The following SBK1 variants were observed in gnomAD, a reference collection of about 807,000 sequenced individuals.
SBK1 encodes SH3 domain binding kinase 1.
In SBK1, 11 loss-of-function variants were observed where a neutral mutation model predicts 24.4. The observed-to-expected ratio is 0.45, with a 90% CI of 0.28 to 0.75. The LOEUF (loss-of-function observed/expected upper bound fraction) is 0.75. Among genes scored for constraint, SBK1 ranks in the 30% least tolerant of loss-of-function variants. The pLI, the probability that SBK1 is intolerant of heterozygous loss-of-function variation, is 0.12. For missense variants in SBK1, 467 were observed against 620.5 expected (o/e 0.75, Z 2.63); for synonymous variants, 308 against 284.4 (o/e 1.08, Z -0.83).
At chr16:28,308,948 A>G (rs1256379813) in intron 1 of SBK1, among the ~76,000 whole-genome samples, 1 of 152,056 alleles carries the variant, frequency 6.6e-6, no homozygotes, top group African/African-American at 2.4e-5. Context: ...ATGCAGCCCC[A>G]GATCTGAGCT....
At chr16:28,303,392 C>CT (rs1366180822) in intron 1 of SBK1, among the ~76,000 whole-genome samples, 1 of 151,658 alleles carries the variant, frequency 6.6e-6, no homozygotes, top group Non-Finnish European at 1.5e-5. Context: ...GCTGAGGTGG[C>CT]TAAGCACCTT....
intron 1 of SBK1, among the ~76,000 whole-genome samples, chr16:28,307,035 G>GCAGCCCCAGCCC (rs911430441): frequency 2.7e-4 from 41 of 152,200 alleles, no homozygotes; most frequent in Admixed American, 1.7e-3. Context: ...TCTCCCTCCA[G>GCAGCCCCAGCCC]CAGCCCCAGC....
At chr16:28,287,048 T>G (rs991027745) in intron 1 of SBK1, 4 of 151,630 alleles carry the variant, frequency 2.6e-5, no homozygotes, top group African/African-American at 9.7e-5. Context: ...TGAGCCGAGA[T>G]CGCATCATTG....
At chr16:28,273,449 C>G (rs1262095147) in intron 1 of SBK1, among the ~76,000 whole-genome samples, 2 of 152,156 alleles carry the variant, frequency 1.3e-5, no homozygotes, top group East Asian at 3.9e-4. Context: ...TCAACAAACT[C>G]TTGACCTCAG....
chr16:28,279,413 CAAAAAAAAAAAA>C (rs34582546), intron 1 of SBK1, among the ~76,000 whole-genome samples: 2 of 84,774 alleles, frequency 2.4e-5, no homozygotes, highest in African/African-American at 8.7e-5. Context: ...AAAACAAAAC[CAAAAAAAAAAAA>C]AAAAAAAAAC....
chr16:28,320,530 T>C lies in SBK1; in HGVS notation c.884T>C (p.Leu295Ser). The C allele has an allele frequency of 1.3e-6, 2 of 1,564,660 alleles. No homozygotes were observed. Among genetic ancestry groups the C allele is most frequent in the Non-Finnish European group, 1.7e-6 (2 of 1,162,062 alleles). Residue 295 changes from leucine (L) to serine (S), a missense_variant, in exon 4 of 4, where the codon TTA becomes TCA. Leu to Ser is a moderately radical substitution (Grantham distance 145, BLOSUM62 -2). Around this residue, in one of 4 missense-constraint regions of SBK1, gnomAD observed 86 missense variants for 121.7 expected, o/e 0.71. Coordinates refer to ENST00000341901, the MANE Select transcript of SBK1 (RefSeq NM_001024401.3). This position sits in a 1 kb window ranked among gnomAD's most constrained non-coding sequence, Gnocchi z 8.5. ...TEPALRMFQR[L>S]LALEPERRGP... ...CCCGCGCTGCGCATGTTCCAGCGCTTACTGGCCCTGGAGCCCGAGCGCCGC... is the reference window on the plus strand; with the variant it reads ...CCCGCGCTGCGCATGTTCCAGCGCTCACTGGCCCTGGAGCCCGAGCGCCGC...
At chr16:28,261,349 C>T (rs1018042693) in intron 1 of SBK1, among the ~76,000 whole-genome samples, 2 of 151,714 alleles carry the variant, frequency 1.3e-5, no homozygotes, top group South Asian at 2.1e-4. Context: ...AACCCCAGAC[C>T]TTTGGGAGGC....
chr16:28,302,961 T>TGG (rs57035524), intron 1 of SBK1, among the ~76,000 whole-genome samples: 24,318 of 144,050 alleles, frequency 0.17, 2,696 homozygotes, highest in Non-Finnish European at 0.27. Context: ...GAGCAGGGCA[T>TGG]GGGGGGGGGT....
intron 1 of SBK1, among the ~76,000 whole-genome samples, chr16:28,279,358 C>G (rs2044514620): frequency 6.8e-6 from 1 of 147,020 alleles, no homozygotes. Flanking sequence ...ATGATTGCAC[C>G]ACTGCACTCC....
Position 28,318,513 on chromosome 16 carries a change from C to T in SBK1, c.227-482C>T, listed in dbSNP as rs547648749. 1.1e-3 allele frequency among the ~76,000 whole-genome samples: 174 copies of T among 152,320 alleles called. 1 individual carries two copies. Among genetic ancestry groups the T allele is most frequent in the Non-Finnish European group, 1.9e-3 (129 of 68,032 alleles). Reference sequence around the variant, plus strand: ...TGTGCAGTGCTGAAGGCAGGGCCTGCGATGTGTAAATGCTCCGTGGACACA... The same window carrying T: ...TGTGCAGTGCTGAAGGCAGGGCCTGTGATGTGTAAATGCTCCGTGGACACA... On this transcript the variant is annotated intron_variant, in intron 2 of 3. Transcript: ENST00000341901.
At chr16:28,308,767 GTGTGTGTGTGTGTT>G (rs908970016) in intron 1 of SBK1, among the ~76,000 whole-genome samples, 5 of 149,748 alleles carry the variant, frequency 3.3e-5, no homozygotes, top group African/African-American at 1.0e-4. Context: ...GTGTGTGTGT[GTGTGTGTGTGTGTT>G]TGTTTTGTTT....
chr16:28,309,859 C>A (rs1435452951), intron 1 of SBK1, among the ~76,000 whole-genome samples: 1 of 152,106 alleles, frequency 6.6e-6, no homozygotes. Context: ...TGTGTGTGTG[C>A]GCATGTGTGC....
intron 1 of SBK1, among the ~76,000 whole-genome samples, chr16:28,300,982 G>T (rs938521878): frequency 1.3e-5 from 2 of 151,916 alleles, no homozygotes; most frequent in Admixed American, 6.5e-5. Context: ...GGATGCAGCT[G>T]GAGAAGGGCC....
intron 2 of SBK1, among the ~76,000 whole-genome samples, chr16:28,318,260 G>A (rs1391264411): frequency 6.6e-6 from 1 of 152,230 alleles, no homozygotes; most frequent in African/African-American, 2.4e-5. Context: ...GCCAGGGGCT[G>A]GGGCTGTGTG....
upstream of SBK1, chr16:28,292,376 C>T (rs1325709346): frequency 6.8e-6 from 1 of 146,118 alleles, no homozygotes; most frequent in Admixed American, 1.6e-4. Context: ...CGGCGCGCGG[C>T]GGGAGGGCGG....
chr16:28,266,970 G>A (rs976773851), intron 1 of SBK1, among the ~76,000 whole-genome samples: 2 of 151,710 alleles, frequency 1.3e-5, no homozygotes, highest in East Asian at 1.9e-4. Context: ...GCAGTGGTGC[G>A]ATCTCAGCAC....
Position 28,317,875 on chromosome 16 carries a change from G to T in SBK1, c.226+258G>T, listed in dbSNP as rs1221501024. ...ATGGGCTGCTGTGGGGCCATCTGGG[G>T]TGACTTTGAGACAGCCAAGGGGCTG... On this transcript the variant is annotated intron_variant, in intron 2 of 3. Transcript: ENST00000341901. The surrounding 1 kb of genome is among the most constrained non-coding windows in gnomAD (Gnocchi z 4.2). Among the ~76,000 whole-genome samples the T allele has an allele frequency of 1.3e-5, 2 of 152,056 alleles. No homozygotes were observed. The highest frequency in any genetic ancestry group is 6.6e-5 in the Admixed American group (1 of 15,256).
At chr16:28,271,933 C>T (rs2044467892) in intron 1 of SBK1, among the ~76,000 whole-genome samples, 1 of 152,158 alleles carries the variant, frequency 6.6e-6, no homozygotes, top group Non-Finnish European at 1.5e-5. Flanking sequence ...ATCAAGTGCT[C>T]CTTGGTATTT....
In SBK1 at chr16:28,320,895, G is replaced by C. The variant is rs746196783; in HGVS notation, c.1249G>C (p.Ala417Pro). 6.9e-5 allele frequency: 104 copies of C among 1,498,862 alleles called. No individual in the cohort carries two copies. Among genetic ancestry groups the C allele is most frequent in the Non-Finnish European group, 8.7e-5 (98 of 1,129,234 alleles). 92.8% of individuals were successfully genotyped at this position (1,498,862 alleles called of 1,614,324 possible). The change falls in exon 4 of 4, where the codon GCC (alanine) becomes CCC (proline). Residue 417 changes from alanine to proline, a missense_variant. Transcript: ENST00000341901. The surrounding 1 kb of genome is among the most constrained non-coding windows in gnomAD (Gnocchi z 8.5). Reference protein sequence around the residue: ...ADKSKGQVVLATAIEICV With the variant: ...ADKSKGQVVLPTAIEICV The stretch of plus-strand genomic sequence containing the variant: ...CAAGAGCAAAGGGCAGGTGGTGCTG[G>C]CCACGGCCATCGAGATCTGCGTCTG...
Sources: gnomAD v4.1 joint callset for allele counts (sites outside exome capture counted in the v4.1 genomes callset) on GRCh38, gnomAD v4.1.1 for gene constraint, gnomAD v4.1.1 regional missense constraint, Gnocchi (gnomAD v3.1) non-coding constraint, MANE v1.5 for transcripts, NCBI Gene and HGNC (gene_info 2026-07-23, HGNC 2026-07-21) for gene names.